Variants in FAM151B observed in about 807,000 individuals in gnomAD.
FAM151B encodes family with sequence similarity 151 member B.
A neutral mutation model predicts 31.2 loss-of-function variants in FAM151B; 24 were observed. The ratio of observed to expected loss-of-function variants is 0.77; its 90% CI spans 0.56 to 1.08. FAM151B has a LOEUF of 1.08. Ranked by LOEUF, FAM151B falls within the 50% of genes least tolerant of loss-of-function variation. FAM151B has a pLI of 0.00. For missense variants in FAM151B, 293 were observed against 328.6 expected (o/e 0.89, Z 0.84); for synonymous variants, 105 against 111.4 (o/e 0.94, Z 0.36).
intron 5 of FAM151B, among the ~76,000 whole-genome samples, chr5:80,522,962 C>G (rs1190803484): frequency 6.6e-6 from 1 of 151,830 alleles, no homozygotes; most frequent in African/African-American, 2.4e-5. Flanking sequence ...AGTGTAGAAA[C>G]AAGCTGACTT....
At chr5:80,490,664 A>G (rs186452791) in intron 1 of FAM151B, among the ~76,000 whole-genome samples, 80 of 152,370 alleles carry the variant, frequency 5.3e-4, no homozygotes, top group Admixed American at 1.6e-3. Context: ...GAATCATCCA[A>G]TATAGACCCT....
At chr5:80,507,112 C>A (rs1743995360) in intron 2 of FAM151B, among the ~76,000 whole-genome samples, 1 of 122,534 alleles carries the variant, frequency 8.2e-6, no homozygotes, top group South Asian at 3.1e-4. Context: ...GGGTGAGACT[C>A]CATCTCAAAA....
intron 3 of FAM151B, among the ~76,000 whole-genome samples, chr5:80,516,739 A>G (rs1744461784): frequency 6.6e-6 from 1 of 152,222 alleles, no homozygotes; most frequent in Admixed American, 6.6e-5. Context: ...ACTGTATTTT[A>G]AATTAGAATC....
chr5:80,490,018 T>TGACACACACACACA (rs766872744), intron 1 of FAM151B, among the ~76,000 whole-genome samples: 1 of 31,530 alleles, frequency 3.2e-5, no homozygotes, highest in African/African-American at 7.7e-5. Context: ...TTTTTCCCCC[T>TGACACACACACACA]TACACACACA....
Position 80,520,029 on chromosome 5 carries a change from A to C in FAM151B, c.535+119A>C, listed in dbSNP as rs1201063402. ...CAAAATCTAAGCCTGATGGAAAAAA[A>C]GGCCTGACCCTTCAGGTATGTGCAG... is the stretch of plus-strand genomic sequence containing the variant. On this transcript the variant is annotated intron_variant, in intron 4 of 5. Coordinates refer to ENST00000282226, the MANE Select transcript of FAM151B (RefSeq NM_205548.3). The C allele has an allele frequency of 6.6e-6, 6 of 904,418 alleles. No individual in the cohort carries two copies. The East Asian group carries it at 1.6e-4, about 24-fold the overall frequency. 56.0% of individuals were successfully genotyped at this position (904,418 alleles called of 1,614,324 possible). A position where few individuals can be genotyped will look rare whatever the true frequency, so the allele number is the denominator to read the frequency against.
intron 1 of FAM151B, among the ~76,000 whole-genome samples, chr5:80,499,341 A>G (rs1246430138): frequency 1.3e-5 from 2 of 152,224 alleles, no homozygotes; most frequent in Non-Finnish European, 2.9e-5. Flanking sequence ...GTTGAAAGAT[A>G]TGAGAATTAT....
chr5:80,490,224 A>C (rs1743273765), intron 1 of FAM151B, among the ~76,000 whole-genome samples: 1 of 152,058 alleles, frequency 6.6e-6, no homozygotes, highest in African/African-American at 2.4e-5. Flanking sequence ...TTATCTCTCC[A>C]AAAGAAAACA....
At chr5:80,538,404 C>CT (rs1211050121) in intron 5 of FAM151B, among the ~76,000 whole-genome samples, 5 of 48,488 alleles carry the variant, frequency 1.0e-4, no homozygotes, top group Non-Finnish European at 1.5e-4. Flanking sequence ...TTCTTTCTTT[C>CT]TTTCTTTCTT....
At chr5:80,508,160 G>A (rs1282710991) in intron 2 of FAM151B, among the ~76,000 whole-genome samples, 1 of 152,028 alleles carries the variant, frequency 6.6e-6, no homozygotes, top group African/African-American at 2.4e-5. Context: ...ACCACATTTT[G>A]TTTATCCATT....
chr5:80,494,957 T>C (rs187788955), intron 1 of FAM151B: 3 of 152,224 alleles, frequency 2.0e-5, no homozygotes, highest in African/African-American at 7.2e-5. Flanking sequence ...CTAATGCAGC[T>C]GGTGACTTTA....
intron 3 of FAM151B, among the ~76,000 whole-genome samples, chr5:80,515,247 AT>A: frequency 7.8e-6 from 1 of 127,976 alleles, no homozygotes; most frequent in East Asian, 2.3e-4. Context: ...TCTCAAAAAA[AT>A]AAATAAATAA....
At chr5:80,491,120 C>T (rs1358157756) in intron 1 of FAM151B, among the ~76,000 whole-genome samples, 2 of 152,120 alleles carry the variant, frequency 1.3e-5, no homozygotes, top group Middle Eastern at 3.4e-3. Context: ...TTAATATATC[C>T]ATCACCTCAC....
rs759047626 is a variant in FAM151B, at chr5:80,542,558, G to T, written c.*726G>T. 2.0e-5 allele frequency: 3 copies of T among 151,614 alleles called. No homozygotes were observed. Among genetic ancestry groups the T allele is most frequent in the Non-Finnish European group, 2.9e-5 (2 of 67,942 alleles). The allele number at this position is 151,614 out of a possible 1,614,324, so 9.4% of individuals were successfully genotyped here. On this transcript the variant is annotated 3_prime_UTR_variant, in exon 6 of 6. Transcript: ENST00000282226. ...CCTTGTTCTACTAGTAAAACTTTATGAACTACTTTTTTCACGGCTCATTCC... is the reference window on the plus strand; with the variant it reads ...CCTTGTTCTACTAGTAAAACTTTATTAACTACTTTTTTCACGGCTCATTCC...
At chr5:80,509,996 G>T (rs1473441857) in intron 2 of FAM151B, among the ~76,000 whole-genome samples, 4 of 152,118 alleles carry the variant, frequency 2.6e-5, no homozygotes, top group Admixed American at 6.6e-5. Flanking sequence ...TTCCCTCCTT[G>T]CCTTTCTTAG....
At chr5:80,525,763 G>A (rs938533304) in intron 5 of FAM151B, among the ~76,000 whole-genome samples, 4 of 151,940 alleles carry the variant, frequency 2.6e-5, no homozygotes, top group South Asian at 2.1e-4. Flanking sequence ...AACCTCTAAG[G>A]CTCTTTGCTT....
chr5:80,492,693 C>G (rs940147778), intron 1 of FAM151B, among the ~76,000 whole-genome samples: 1 of 152,228 alleles, frequency 6.6e-6, no homozygotes, highest in East Asian at 1.9e-4. Context: ...TGGCTTATGC[C>G]TGTAATCCCA....
At chr5:80,530,781 G>A (rs957356673) in intron 5 of FAM151B, among the ~76,000 whole-genome samples, 7 of 152,162 alleles carry the variant, frequency 4.6e-5, no homozygotes, top group Non-Finnish European at 1.0e-4. Flanking sequence ...TGGATAGGAA[G>A]AATCAATACC....
chr5:80,511,685 C>A (rs1421152244), intron 2 of FAM151B, among the ~76,000 whole-genome samples: 1 of 152,116 alleles, frequency 6.6e-6, no homozygotes, highest in Non-Finnish European at 1.5e-5. Flanking sequence ...CAGCTCACTG[C>A]AACTTCCGCC....
chr5:80,500,919 T>C lies in FAM151B; in HGVS notation c.26-873T>C, dbSNP rs1233827453. The C allele has an allele frequency of 2.0e-5, 15 of 758,392 alleles. No individual in the cohort carries two copies. The Admixed American group carries it at 2.4e-4, about 12-fold the overall frequency. The allele number at this position is 758,392 out of a possible 1,614,324, so 47.0% of individuals were successfully genotyped here. A position where few individuals can be genotyped will look rare whatever the true frequency, so the allele number is the denominator to read the frequency against. ...ATCTGATTCATGAGATCTATACTGT[T>C]GGAAAACACTTCAAAGAAGCAAATA... is the stretch of plus-strand genomic sequence containing the variant. On this transcript the variant is annotated intron_variant, in intron 1 of 5. Transcript: ENST00000282226.
Sources: allele counts gnomAD v4.1 joint callset (sites outside exome capture counted in the v4.1 genomes callset), GRCh38; gene constraint gnomAD v4.1.1; transcripts MANE v1.5; gene names NCBI Gene and HGNC (gene_info 2026-07-23, HGNC 2026-07-21).